Variants in TEX2 observed in about 807,000 individuals in gnomAD.
TEX2 encodes testis expressed 2.
TEX2 carries 53 observed loss-of-function variants against 106.9 expected under a neutral mutation model. That is an observed-to-expected ratio of 0.50 (90% CI 0.40 to 0.62). The LOEUF (loss-of-function observed/expected upper bound fraction) is 0.62. Among genes scored for constraint, TEX2 ranks in the 20% least tolerant of loss-of-function variants. TEX2 has a pLI of 0.00. For missense variants in TEX2, 1,207 were observed against 1,379.0 expected (o/e 0.88, Z 1.98); for synonymous variants, 523 against 534.8 (o/e 0.98, Z 0.30).
At chr17:64,173,927 C>T (rs139720971) in intron 6 of TEX2, among the ~76,000 whole-genome samples, 1 of 152,218 alleles carries the variant, frequency 6.6e-6, no homozygotes, top group African/African-American at 2.4e-5. Flanking sequence ...CTCACTGAAG[C>T]CACAGCCTCC....
At chr17:64,242,713 C>T (rs1010282272) in intron 1 of TEX2, among the ~76,000 whole-genome samples, 3 of 152,262 alleles carry the variant, frequency 2.0e-5, no homozygotes, top group East Asian at 1.9e-4. Context: ...GTTTTCATAA[C>T]GTACTTTGTT....
intron 8 of TEX2, among the ~76,000 whole-genome samples, chr17:64,156,484 A>G (rs1205600139): frequency 6.6e-6 from 1 of 152,232 alleles, no homozygotes; most frequent in Non-Finnish European, 1.5e-5. Context: ...TGGCTGGTCC[A>G]GGAAATGCTT....
chr17:64,240,734 A>T (rs572955834), intron 1 of TEX2, among the ~76,000 whole-genome samples: 1 of 152,244 alleles, frequency 6.6e-6, no homozygotes, highest in South Asian at 2.1e-4. Context: ...ATCGGTTTAG[A>T]GTCAGTTGCC....
chr17:64,243,248 G>A (rs1172410823), intron 1 of TEX2, among the ~76,000 whole-genome samples: 1 of 151,938 alleles, frequency 6.6e-6, no homozygotes, highest in Non-Finnish European at 1.5e-5. Context: ...TAAAGATAAA[G>A]CAATTTCTCT....
At chr17:64,247,435 T>G (rs1209836908) in intron 1 of TEX2, among the ~76,000 whole-genome samples, 1 of 152,188 alleles carries the variant, frequency 6.6e-6, no homozygotes, top group South Asian at 2.1e-4. Context: ...GAAAATATCC[T>G]GGCACAGGAC....
At chr17:64,219,710 TGGAAGGTTGGAAA>T (rs1567951679) in intron 1 of TEX2, among the ~76,000 whole-genome samples, 1 of 151,670 alleles carries the variant, frequency 6.6e-6, no homozygotes, top group East Asian at 1.9e-4. Flanking sequence ...CAGGACCAGA[TGGAAGGTTGGAAA>T]GGAAAAGAAA....
In TEX2 at chr17:64,260,615, G is replaced by A. The variant is rs975872507; in HGVS notation, c.-26+2553C>T. On this transcript the variant is annotated intron_variant, in intron 1 of 11. Transcript: ENST00000584379. ...ATGAGGCTATCACACCTCCATTAGAGGGCTGCTCTAGGACTGGAGAGGATA... is the reference window on the plus strand; with the variant it reads ...ATGAGGCTATCACACCTCCATTAGAAGGCTGCTCTAGGACTGGAGAGGATA... 4.6e-5 allele frequency among the ~76,000 whole-genome samples: 7 copies of A among 152,186 alleles called. No homozygotes were observed. The East Asian group carries it at 1.3e-3, about 29-fold the overall frequency.
At chr17:64,159,914 C>G (rs1163457493) in intron 8 of TEX2, among the ~76,000 whole-genome samples, 1 of 152,146 alleles carries the variant, frequency 6.6e-6, no homozygotes, top group African/African-American at 2.4e-5. Context: ...CAATCTGCTA[C>G]TACCACAAGC....
chr17:64,212,582 T>C lies in TEX2; in HGVS notation c.1636A>G (p.Ile546Val). 6.2e-7 allele frequency: 1 copy of C among 1,613,304 alleles called. No homozygotes were observed. Among genetic ancestry groups the C allele is most frequent in the Non-Finnish European group, 8.5e-7 (1 of 1,179,476 alleles). Residue 546 changes from isoleucine to valine, a missense_variant, in exon 2 of 12, where the codon ATA becomes GTA. Around this residue, in one of 3 missense-constraint regions of TEX2, gnomAD observed 1,067 missense variants for 1,193.6 expected, o/e 0.89. Transcript: ENST00000584379. ...CCCGGGGAGAGGCTTACCTTCAGTA[T>C]TTCAGGTTCTTTGATATCCAGAGAT... ...TRSLDIKEPE[I>V]LKGWMNEIYN...
In TEX2 at chr17:64,212,673, A is replaced by G; in HGVS notation, c.1545T>C (p.Phe515=). 1.2e-6 allele frequency: 2 copies of G among 1,614,198 alleles called. No homozygotes were observed. Among genetic ancestry groups the G allele is most frequent in the African/African-American group, 1.3e-5 (1 of 75,038 alleles). Residue 515 remains phenylalanine (F), a synonymous_variant, in exon 2 of 12, where the codon TTT becomes TTC. Coordinates refer to ENST00000584379, the MANE Select transcript of TEX2 (RefSeq NM_001288732.2). ...GFMTAVCVIW[F]FTPPSAHKYH... is the part of the protein sequence containing the mutation. ...ATTTATGAGCACTTGGTGGTGTAAA[A>G]AACCAAATCACGCAAACTGCAGTCA...
intron 1 of TEX2, among the ~76,000 whole-genome samples, chr17:64,252,855 C>T (rs2034116921): frequency 6.6e-6 from 1 of 152,102 alleles, no homozygotes; most frequent in Non-Finnish European, 1.5e-5. Flanking sequence ...GTGATGAGTG[C>T]TACAAAGGAC....
chr17:64,247,582 C>T (rs1408961847), intron 1 of TEX2, among the ~76,000 whole-genome samples: 4 of 152,186 alleles, frequency 2.6e-5, no homozygotes, highest in Non-Finnish European at 4.4e-5. Flanking sequence ...AGGAGGCGGC[C>T]AGGCTTGCGC....
intron 5 of TEX2, among the ~76,000 whole-genome samples, chr17:64,184,942 A>C (rs2032020353): frequency 6.6e-6 from 1 of 152,228 alleles, no homozygotes; most frequent in Non-Finnish European, 1.5e-5. Flanking sequence ...TTAGTGCAAC[A>C]AAAACATTTT....
intron 1 of TEX2, among the ~76,000 whole-genome samples, chr17:64,234,349 C>T (rs1270716569): frequency 2.6e-5 from 4 of 152,224 alleles, no homozygotes; most frequent in African/African-American, 7.2e-5. Context: ...ATCTGCCTAA[C>T]AGCAGTATCC....
chr17:64,193,657 G>C lies in TEX2; in HGVS notation c.2078C>G (p.Thr693Ser). ...AAACCATTCCTCTTTTTCTCGGCCA[G>C]TTCTCCCAAAGAGATAGAGTATCTG... ...RDQILYLFGR[T>S]GREKEEWFRR... Residue 693 changes from threonine (T) to serine (S), a missense_variant, in exon 4 of 12, where the codon ACT becomes AGT. Thr to Ser is a moderately conservative substitution (Grantham distance 58). Around this residue, in one of 3 missense-constraint regions of TEX2, gnomAD observed 1,067 missense variants for 1,193.6 expected, o/e 0.89. Coordinates refer to ENST00000584379, the MANE Select transcript of TEX2 (RefSeq NM_001288732.2). The C allele has an allele frequency of 1.3e-6, 2 of 1,564,762 alleles. No homozygotes were observed. Among genetic ancestry groups the C allele is most frequent in the South Asian group, 1.2e-5 (1 of 84,540 alleles).
At chr17:64,236,305 G>T (rs1420467711) in intron 1 of TEX2, among the ~76,000 whole-genome samples, 1 of 152,178 alleles carries the variant, frequency 6.6e-6, no homozygotes, top group Non-Finnish European at 1.5e-5. Context: ...TGGGCCCAGT[G>T]TAATCCCAGC....
chr17:64,153,110 T>C lies in TEX2; in HGVS notation c.2975A>G (p.Asp992Gly). Residue 992 changes from aspartate (D) to glycine (G), a missense_variant, in exon 10 of 12, where the codon GAT (aspartate) becomes GGT (glycine). Physicochemically the swap from Asp to Gly is moderately conservative, Grantham distance 94 (BLOSUM62 -1). Transcript: ENST00000584379. The surrounding 1 kb of genome is among the most constrained non-coding windows in gnomAD (Gnocchi z 4.1). ...GAAATATTTTGACTTGGTAATTTTA[T>C]CAACAAACCTCATAATCTTACTTGT... The part of the protein sequence containing the change: ...HRTSKIMRFV[D>G]KITKSKYFQK... 2 of 1,614,174 alleles carry C rather than the reference T, an allele frequency of 1.2e-6. No homozygotes were observed. Among genetic ancestry groups the C allele is most frequent in the Non-Finnish European group, 1.7e-6 (2 of 1,179,988 alleles).
intron 9 of TEX2, among the ~76,000 whole-genome samples, chr17:64,154,220 G>C (rs566916520): frequency 6.6e-6 from 1 of 152,288 alleles, no homozygotes; most frequent in South Asian, 2.1e-4. Flanking sequence ...AAGTGAATAG[G>C]TTGGTTTTTT....
At chr17:64,244,354 T>C (rs1476558553) in intron 1 of TEX2, among the ~76,000 whole-genome samples, 1 of 152,192 alleles carries the variant, frequency 6.6e-6, no homozygotes, top group Non-Finnish European at 1.5e-5. Flanking sequence ...CCCTGACGTC[T>C]AGACAGCAGG....
Sources: gnomAD v4.1 joint callset for allele counts (sites outside exome capture counted in the v4.1 genomes callset) on GRCh38, gnomAD v4.1.1 for gene constraint, gnomAD v4.1.1 regional missense constraint, Gnocchi (gnomAD v3.1) non-coding constraint, MANE v1.5 for transcripts, NCBI Gene and HGNC (gene_info 2026-07-23, HGNC 2026-07-21) for gene names.